The following RIMS1 variants were observed in gnomAD, a reference collection of about 807,000 sequenced individuals.
RIMS1 encodes regulating synaptic membrane exocytosis protein 1.
RIMS1 carries 83 observed loss-of-function variants against 214.1 expected under a neutral mutation model. The ratio of observed to expected loss-of-function variants is 0.39; its 90% CI spans 0.32 to 0.47. The LOEUF (loss-of-function observed/expected upper bound fraction) is 0.47, where lower values mean the gene tolerates loss of function less well. RIMS1 is among the 20% of genes least tolerant of loss of function. The pLI is 0.99. For synonymous variants in RIMS1, 793 were observed against 786.8 expected (o/e 1.01, Z -0.13); for missense variants, 2,050 against 2,161.8 (o/e 0.95, Z 1.03).
At chr6:72,099,953 T>C in intron 3 of RIMS1, 22 bp from the exon 4 acceptor site, 1 of 1,599,162 alleles carries the variant, frequency 6.3e-7, no homozygotes. Flanking sequence ...TCTACTCTGC[T>C]TCCTTGGATG....
chr6:72,037,576 A>G (rs962740404), intron 2 of RIMS1, among the ~76,000 whole-genome samples: 5 of 152,086 alleles, frequency 3.3e-5, no homozygotes, highest in East Asian at 3.9e-4. Flanking sequence ...TATATTTAAT[A>G]TATACAATTT....
chr6:72,092,606 A>C (rs968279248), intron 2 of RIMS1, among the ~76,000 whole-genome samples: 36 of 152,162 alleles, frequency 2.4e-4, no homozygotes, highest in African/African-American at 8.7e-4. Context: ...ACATGAGAGG[A>C]GGGCATAGAT....
At chr6:72,128,873 G>A (rs1852703) in intron 4 of RIMS1, among the ~76,000 whole-genome samples, 9,969 of 152,124 alleles carry the variant, frequency 0.066, 411 homozygotes, top group Middle Eastern at 0.1. Context: ...CTTTACTACC[G>A]TATACATCAT....
intron 4 of RIMS1, among the ~76,000 whole-genome samples, chr6:72,163,546 T>C (rs549657437): frequency 7.1e-6 from 1 of 141,050 alleles, no homozygotes; most frequent in East Asian, 2.0e-4. Context: ...GATGGTGATG[T>C]ATAAATGGGT....
chr6:72,386,727 CTTTCT>C (rs1372720926), intron 29 of RIMS1, among the ~76,000 whole-genome samples: 159 of 142,558 alleles, frequency 1.1e-3, no homozygotes, highest in African/African-American at 3.8e-3. Flanking sequence ...GTTTCACTGT[CTTTCT>C]TTTTTTTTTT....
At chr6:72,036,058 C>T (rs868578857) in intron 2 of RIMS1, among the ~76,000 whole-genome samples, 1 of 152,048 alleles carries the variant, frequency 6.6e-6, no homozygotes, top group Non-Finnish European at 1.5e-5. Flanking sequence ...GCATATTTTT[C>T]CCTGAAATAC....
intron 16 of RIMS1, among the ~76,000 whole-genome samples, chr6:72,254,683 C>G (rs1400908669): frequency 6.6e-6 from 1 of 152,114 alleles, no homozygotes; most frequent in East Asian, 1.9e-4. Flanking sequence ...AATGCTTGCA[C>G]AAATGATGAG....
At chr6:72,274,011 GAACTT>G (rs1305255882) in intron 22 of RIMS1, among the ~76,000 whole-genome samples, 1 of 152,014 alleles carries the variant, frequency 6.6e-6, no homozygotes, top group Non-Finnish European at 1.5e-5. Context: ...GCATCTTTAA[GAACTT>G]AAAGTTACAT....
chr6:72,078,768 C>A (rs1015209120), intron 2 of RIMS1, among the ~76,000 whole-genome samples: 2 of 152,052 alleles, frequency 1.3e-5, no homozygotes, highest in African/African-American at 4.8e-5. Context: ...CTTTCCATAT[C>A]TAAATTTATA....
intron 29 of RIMS1, among the ~76,000 whole-genome samples, chr6:72,351,242 C>T (rs962562434): frequency 1.3e-5 from 2 of 151,706 alleles, no homozygotes; most frequent in Non-Finnish European, 1.5e-5. Flanking sequence ...ACCTTTGTTC[C>T]CACCATTAAA....
intron 33 of RIMS1, among the ~76,000 whole-genome samples, chr6:72,399,919 T>G (rs1331885369): frequency 6.6e-6 from 1 of 152,136 alleles, no homozygotes; most frequent in African/African-American, 2.4e-5. Flanking sequence ...CTAATTGAAA[T>G]ATTAATCATC....
chr6:72,233,418 G>A (rs2062761977), intron 6 of RIMS1, among the ~76,000 whole-genome samples: 1 of 151,200 alleles, frequency 6.6e-6, no homozygotes, highest in African/African-American at 2.4e-5. Context: ...TCATGTCAAT[G>A]AATAAAATTT....
At chr6:72,265,191 T>G (rs543942462) in intron 20 of RIMS1, 139 bp downstream of exon 20, 2 of 634,610 alleles carry the variant, frequency 3.2e-6, no homozygotes, top group African/African-American at 3.7e-5. Flanking sequence ...TTGAAATAAT[T>G]ATACAGTGAG....
intron 22 of RIMS1, among the ~76,000 whole-genome samples, chr6:72,270,915 G>A (rs942862194): frequency 1.3e-5 from 2 of 152,060 alleles, no homozygotes; most frequent in African/African-American, 2.4e-5. Context: ...GGGAAAGGAG[G>A]TTCCTACCTA....
intron 6 of RIMS1, among the ~76,000 whole-genome samples, chr6:72,229,061 G>A (rs545276187): frequency 6.6e-6 from 1 of 151,356 alleles, no homozygotes; most frequent in East Asian, 1.9e-4. Flanking sequence ...TTTGGTCCTG[G>A]AACCAAAACC....
chr6:72,087,719 G>A (rs1835026588), intron 2 of RIMS1, among the ~76,000 whole-genome samples: 1 of 152,096 alleles, frequency 6.6e-6, no homozygotes, highest in Admixed American at 6.5e-5. Context: ...TTTTGATTGT[G>A]CTTTGTTTTC....
intron 1 of RIMS1, among the ~76,000 whole-genome samples, chr6:71,964,385 GTTGTGTTGAGAA>G (rs1436979408): frequency 6.6e-6 from 1 of 152,160 alleles, no homozygotes. Flanking sequence ...CACTCTGGCT[GTTGTGTTGAGAA>G]TAGACTCCAG....
chr6:72,214,279 C>T (rs2054753489), intron 6 of RIMS1, among the ~76,000 whole-genome samples: 1 of 152,022 alleles, frequency 6.6e-6, no homozygotes, highest in South Asian at 2.1e-4. Flanking sequence ...ATAAACCAAA[C>T]AGGGTTTGGT....
intron 1 of RIMS1, among the ~76,000 whole-genome samples, chr6:71,927,685 G>A (rs977575989): frequency 6.6e-6 from 1 of 151,910 alleles, no homozygotes; most frequent in African/African-American, 2.4e-5. Flanking sequence ...TTAATATTCT[G>A]GCCACATACC....
Sources: allele counts gnomAD v4.1 joint callset (sites outside exome capture counted in the v4.1 genomes callset), GRCh38; gene constraint gnomAD v4.1.1; transcripts MANE v1.5; gene names NCBI Gene and HGNC (gene_info 2026-07-23, HGNC 2026-07-21).